The following CDH4 variants were observed in gnomAD, a reference collection of about 807,000 sequenced individuals.
CDH4 encodes the protein cadherin-4.
A neutral mutation model predicts 86.0 loss-of-function variants in CDH4; 33 were observed. The observed-to-expected ratio is 0.38, with a 90% CI of 0.29 to 0.51. The LOEUF (loss-of-function observed/expected upper bound fraction) is 0.51. CDH4 is among the 20% of genes least tolerant of loss of function. CDH4 has a pLI of 0.86. For missense variants in CDH4, 1,114 were observed against 1,307.4 expected (o/e 0.85, Z 2.28); for synonymous variants, 555 against 549.4 (o/e 1.01, Z -0.14).
chr20:61,559,523 T>TC (rs2086201174), intron 2 of CDH4, among the ~76,000 whole-genome samples: 1 of 137,856 alleles, frequency 7.3e-6, no homozygotes, highest in African/African-American at 2.8e-5. Flanking sequence ...TTTTTTCTTT[T>TC]TTTTTTTTTT....
chr20:61,837,572 G>A (rs574549908), intron 4 of CDH4, among the ~76,000 whole-genome samples: 93 of 152,260 alleles, frequency 6.1e-4, no homozygotes, highest in African/African-American at 2.0e-3. Context: ...AATTCCAGGC[G>A]TGGAGGGTAG....
chr20:61,814,458 C>G (rs1388093861), intron 4 of CDH4, among the ~76,000 whole-genome samples: 1 of 152,176 alleles, frequency 6.6e-6, no homozygotes, highest in African/African-American at 2.4e-5. Context: ...CGACGACGAT[C>G]CCTGCAGACC....
At chr20:61,764,304 G>T (rs1395911881) in intron 3 of CDH4, among the ~76,000 whole-genome samples, 1 of 152,184 alleles carries the variant, frequency 6.6e-6, no homozygotes, top group Non-Finnish European at 1.5e-5. Context: ...ACTTCCAGTC[G>T]AACGGAAGTT....
At position 61,400,241 on chromosome 20, in the gene CDH4, G is replaced by A. The variant is rs78170862; in HGVS notation, c.169+145304G>A. Among the ~76,000 whole-genome samples, 1,021 of 152,262 alleles carry A rather than the reference G, an allele frequency of 6.7e-3. 38 individuals carry two copies. The highest frequency in any genetic ancestry group is 0.062 in the East Asian group (320 of 5,166). ...AAACTCCTGGAGACCTGAATGTTTC[G>A]TCTGTCAAAAGATGATGCTCTACAA... On this transcript the variant is annotated intron_variant, in intron 2 of 15. Coordinates refer to ENST00000614565, the MANE Select transcript of CDH4 (RefSeq NM_001794.5).
At chr20:61,457,629 G>T (rs923639811) in intron 2 of CDH4, among the ~76,000 whole-genome samples, 1 of 152,202 alleles carries the variant, frequency 6.6e-6, no homozygotes, top group Non-Finnish European at 1.5e-5. Flanking sequence ...GCTGGCACTG[G>T]TGGTGGTGAT....
chr20:61,518,171 G>C lies in CDH4; in HGVS notation c.170-225392G>C, dbSNP rs945045811. On this transcript the variant is annotated intron_variant, in intron 2 of 15. Coordinates refer to ENST00000614565, the MANE Select transcript of CDH4 (RefSeq NM_001794.5). This position sits in a 1 kb window ranked among gnomAD's most constrained non-coding sequence, Gnocchi z 6.3. Reference sequence around the variant, plus strand: ...TCACTGTGTCTGGGACACTAGGTGGGTGTTTATTCTGCCATCATCCCTTTA... The same window carrying C: ...TCACTGTGTCTGGGACACTAGGTGGCTGTTTATTCTGCCATCATCCCTTTA... Among the ~76,000 whole-genome samples, 46 of 152,194 alleles carry C rather than the reference G, an allele frequency of 3.0e-4. No homozygotes were observed. Among genetic ancestry groups the C allele is most frequent in the African/African-American group, 1.1e-3 (45 of 41,430 alleles).
At chr20:61,699,160 G>GC (rs2087746234) in intron 2 of CDH4, among the ~76,000 whole-genome samples, 1 of 152,240 alleles carries the variant, frequency 6.6e-6, no homozygotes, top group Admixed American at 6.5e-5. Flanking sequence ...GTGTGGTGGC[G>GC]CACAGGCGCT....
intron 2 of CDH4, chr20:61,740,602 C>G (rs1473720998): frequency 1.3e-5 from 2 of 152,250 alleles, no homozygotes; most frequent in African/African-American, 4.8e-5. Context: ...AATGACCCCC[C>G]CATCTTCCAG....
chr20:61,657,931 A>G (rs949823), intron 2 of CDH4, among the ~76,000 whole-genome samples: 37,581 of 152,082 alleles, frequency 0.25, 5,213 homozygotes, highest in African/African-American at 0.37. Context: ...GAGGCTCGTC[A>G]CCGGTGGGAG....
chr20:61,747,152 C>A (rs1418930997), intron 3 of CDH4, among the ~76,000 whole-genome samples: 2 of 152,120 alleles, frequency 1.3e-5, no homozygotes, highest in Admixed American at 6.5e-5. Context: ...TAAGAAAGGA[C>A]CCACAGGGAC....
At chr20:61,707,577 G>T (rs2087845273) in intron 2 of CDH4, among the ~76,000 whole-genome samples, 1 of 152,206 alleles carries the variant, frequency 6.6e-6, no homozygotes, top group African/African-American at 2.4e-5. Flanking sequence ...CCATAAAAAA[G>T]GGGAAAGGAT....
chr20:61,405,917 T>A (rs185418134), intron 2 of CDH4, among the ~76,000 whole-genome samples: 129 of 152,314 alleles, frequency 8.5e-4, no homozygotes, highest in Middle Eastern at 3.4e-3. Context: ...CCTGACCTCA[T>A]GATCCATCCG....
At chr20:61,354,215 G>A (rs565417019) in intron 2 of CDH4, among the ~76,000 whole-genome samples, 125 of 152,188 alleles carry the variant, frequency 8.2e-4, no homozygotes, top group African/African-American at 2.5e-3. Flanking sequence ...CGCCGAGGTC[G>A]GGCCTGGCTG....
chr20:61,457,094 CAG>C (rs1242623335), intron 2 of CDH4, among the ~76,000 whole-genome samples: 1 of 152,112 alleles, frequency 6.6e-6, no homozygotes, highest in Non-Finnish European at 1.5e-5. Context: ...CCACCTGAAA[CAG>C]AGAAAATGAT....
chr20:61,690,238 C>T lies in CDH4; in HGVS notation c.170-53325C>T, dbSNP rs574990215. Among the ~76,000 whole-genome samples, 6 of 151,918 alleles carry T rather than the reference C, an allele frequency of 3.9e-5. No individual in the cohort carries two copies. The East Asian group carries it at 9.7e-4, about 25-fold the overall frequency. ...TTGGGTGAGCTGATGTGTAATTGGG[C>T]GGGGACAGTGGTTAGGTGAGATGGT... On this transcript the variant is annotated intron_variant, in intron 2 of 15. Transcript: ENST00000614565.
chr20:61,252,678 C>G lies in CDH4; in HGVS notation c.57+108C>G. On this transcript the variant is annotated intron_variant, in intron 1 of 15. Coordinates refer to ENST00000614565, the MANE Select transcript of CDH4 (RefSeq NM_001794.5). This position sits in a 1 kb window ranked among gnomAD's most constrained non-coding sequence, Gnocchi z 4.4. ...ACCCGGCGGGGCTCTCCCGGGCTCC[C>G]CCGCCGCGCTCCCCGCTGCATCCAG... 1 of 569,676 alleles carries G rather than the reference C, an allele frequency of 1.8e-6. No homozygotes were observed. The highest frequency in any genetic ancestry group is 4.4e-5 in the East Asian group (1 of 22,630). The allele number at this position is 569,676 out of a possible 1,614,324, so 35.3% of individuals were successfully genotyped here.
intron 2 of CDH4, among the ~76,000 whole-genome samples, chr20:61,581,654 G>A (rs564841314): frequency 3.4e-4 from 51 of 152,226 alleles, no homozygotes; most frequent in African/African-American, 1.2e-3. Flanking sequence ...CCGTGATGAT[G>A]CCCTGTGCCT....
intron 2 of CDH4, among the ~76,000 whole-genome samples, chr20:61,634,749 C>G (rs1038654716): frequency 2.0e-5 from 3 of 152,248 alleles, no homozygotes; most frequent in Non-Finnish European, 4.4e-5. Flanking sequence ...GTGCGGACAT[C>G]ACCTCCTCCA....
At position 61,475,639 on chromosome 20, in the gene CDH4, C is replaced by T. The variant is rs77339127; in HGVS notation, c.169+220702C>T. ...CCTCTCTGTCTCTCTCCTTGCCCCT[C>T]CTCACTCACCCGCCTCCCCTCTCTC... On this transcript the variant is annotated intron_variant, in intron 2 of 15. Transcript: ENST00000614565. Among the ~76,000 whole-genome samples, 244 of 64,420 alleles carry T rather than the reference C, an allele frequency of 3.8e-3. 3 individuals carry two copies. The highest frequency in any genetic ancestry group is 0.018 in the African/African-American group (236 of 13,206). 42.3% of individuals were successfully genotyped at this position (64,420 alleles called of 152,430 possible). A position where few individuals can be genotyped will look rare whatever the true frequency, so the allele number is the denominator to read the frequency against.
Sources: gnomAD v4.1 joint callset for allele counts (sites outside exome capture counted in the v4.1 genomes callset) on GRCh38, gnomAD v4.1.1 for gene constraint, Gnocchi (gnomAD v3.1) non-coding constraint, MANE v1.5 for transcripts, NCBI Gene and HGNC (gene_info 2026-07-23, HGNC 2026-07-21) for gene names.